REN: variants seen among roughly 807,000 people sequenced by gnomAD.
REN encodes renin, also known as angiotensin-forming enzyme.
REN carries 42 observed loss-of-function variants against 48.6 expected under a neutral mutation model. That is an observed-to-expected ratio of 0.86 (90% CI 0.68 to 1.12). The LOEUF (loss-of-function observed/expected upper bound fraction) is 1.12, where lower values mean the gene tolerates loss of function less well. Among genes scored for constraint, REN ranks in the 50% most tolerant of loss-of-function variants. The pLI is 0.00. For missense variants in REN, 443 were observed against 527.3 expected (o/e 0.84, Z 1.57); for synonymous variants, 196 against 204.6 (o/e 0.96, Z 0.36).
At chr1:204,159,654 G>A (rs1318887319) in intron 4 of REN, 59 bp from the exon 5 acceptor site, 11 of 1,511,334 alleles carry the variant, frequency 7.3e-6, no homozygotes, top group African/African-American at 4.1e-5. Context: ...GTTGGAGTCT[G>A]GTCTGGGCTT....
Position 204,156,304 on chromosome 1 carries a change from T to C in REN, c.834A>G (p.Ser278=), listed in dbSNP as rs1212651397. Residue 278 remains serine, a synonymous_variant, in exon 8 of 10, where the codon TCA becomes TCG. Coordinates refer to ENST00000272190, the MANE Select transcript of REN (RefSeq NM_000537.4). The surrounding 1 kb of genome is among the most constrained non-coding windows in gnomAD (Gnocchi z 4.2). The part of the protein sequence containing the change: ...QIQMKGVSVG[S]STLLCEDGCL... ...AGCCGTCTTCACAGAGCAAGGTGGA[T>C]GACCCCACAGACACCCTGGGGGAGG... 1 of 1,611,878 alleles carries C rather than the reference T, an allele frequency of 6.2e-7. No individual in the cohort carries two copies. The highest frequency in any genetic ancestry group is 8.5e-7 in the Non-Finnish European group (1 of 1,178,808).
chr1:204,155,271 C>T, intron 9 of REN, 94 bp from the exon 10 acceptor site: 1 of 1,410,498 alleles, frequency 7.1e-7, no homozygotes, highest in East Asian at 2.3e-5. Context: ...AGCAACATTC[C>T]CCCTCTCGCC....
intron 5 of REN, among the ~76,000 whole-genome samples, chr1:204,158,992 C>T (rs960229083): frequency 6.6e-6 from 1 of 152,182 alleles, no homozygotes; most frequent in African/African-American, 2.4e-5. Flanking sequence ...ATGGCCCTAA[C>T]AGGCAGGGCT....
rs543001458 is a variant in REN at position 204,156,757 on chromosome 1, G to C, written c.738C>G (p.Gly246=). The C allele has an allele frequency of 6.2e-7, 1 of 1,614,022 alleles. No individual in the cohort carries two copies. Among genetic ancestry groups the C allele is most frequent in the African/African-American group, 1.3e-5 (1 of 75,000 alleles). The change falls in exon 7 of 10, where the codon GGC becomes GGG. Residue 246 remains glycine (G), a synonymous_variant. Transcript: ENST00000272190. The surrounding 1 kb of genome is among the most constrained non-coding windows in gnomAD (Gnocchi z 4.2). ...QSLGGQIVLG[G]SDPQHYEGNF... ...TCCCTTCGTAATGCTGGGGGTCGCT[G>C]CCTCCCAGCACAATCTGTCCTCCCA...
chr1:204,155,452 A>G (rs1658131222), intron 9 of REN, among the ~76,000 whole-genome samples: 1 of 152,206 alleles, frequency 6.6e-6, no homozygotes, highest in African/African-American at 2.4e-5. Flanking sequence ...CTGATCCTAG[A>G]CAAGTTATTC....
In REN at chr1:204,156,331, C is replaced by CTCAGACAGACAG. The variant is rs749557115; in HGVS notation, c.819-13_819-12insCTGTCTGTCTGA. The CTCAGACAGACAG allele has an allele frequency of 3.3e-6, 5 of 1,495,238 alleles. No individual in the cohort carries two copies. The highest frequency in any genetic ancestry group is 1.5e-5 in the African/African-American group (1 of 65,024). 92.6% of individuals were successfully genotyped at this position (1,495,238 alleles called of 1,614,324 possible). On this transcript the variant is annotated splice_polypyrimidine_tract_variant and intron_variant, in intron 7 of 9. Coordinates refer to ENST00000272190, the MANE Select transcript of REN (RefSeq NM_000537.4). This position sits in a 1 kb window ranked among gnomAD's most constrained non-coding sequence, Gnocchi z 4.2. ...ACCCCACAGACACCCTGGGGGAGGC[C>CTCAGACAGACAG]ACAGTCAGACAGACAGACAGACAGA...
Position 204,162,074 on chromosome 1 carries a change from G to T in REN, c.188C>A (p.Pro63His). Residue 63 changes from proline (P) to histidine (H), a missense_variant, in exon 2 of 10, where the codon CCC becomes CAC. Physicochemically the swap from Pro to His is moderately conservative, Grantham distance 77. Coordinates refer to ENST00000272190, the MANE Select transcript of REN (RefSeq NM_000537.4). ...GTTGCCAAGTGTCAGCCTCTTCATG[G>T]GTTGGCTCCACTCGGGACCAAGCCT... ...MARLGPEWSQ[P>H]MKRLTLGNTT... The T allele has an allele frequency of 6.2e-7, 1 of 1,614,078 alleles. No homozygotes were observed. The highest frequency in any genetic ancestry group is 1.1e-5 in the South Asian group (1 of 91,062).
intron 9 of REN, among the ~76,000 whole-genome samples, chr1:204,155,596 C>A (rs532621235): frequency 1.3e-5 from 2 of 152,248 alleles, no homozygotes; most frequent in Middle Eastern, 3.4e-3. Flanking sequence ...ACATTGGAAT[C>A]ACCTGGGGAA....
At chr1:204,165,157 G>C (rs1278859371) in intron 1 of REN, among the ~76,000 whole-genome samples, 1 of 152,082 alleles carries the variant, frequency 6.6e-6, no homozygotes, top group African/African-American at 2.4e-5. Flanking sequence ...TTTTAGTAGA[G>C]ACAGGGTTTC....
chr1:204,159,589 C>T lies in REN; in HGVS notation c.499G>A (p.Gly167Arg), dbSNP rs1326333821. Residue 167 changes from glycine (G) to arginine (R), a missense_variant, in exon 5 of 10, where the codon GGA (glycine) becomes AGA (arginine). By Grantham distance (125) the Gly-to-Arg change is moderately radical. Transcript: ENST00000272190. ...FLSQDIITVG[G>R]ITVTQMFGEV... Reference sequence around the variant, plus strand: ...CCAAACATCTGTGTCACCGTGATTCCACCCACCTGTGGGAGGAAGGACCAG... The same window carrying T: ...CCAAACATCTGTGTCACCGTGATTCTACCCACCTGTGGGAGGAAGGACCAG... 2 of 1,614,064 alleles carry T rather than the reference C, an allele frequency of 1.2e-6. No individual in the cohort carries two copies. Among genetic ancestry groups the T allele is most frequent in the African/African-American group, 1.3e-5 (1 of 74,900 alleles).
intron 6 of REN, 27 bp downstream of exon 6, chr1:204,157,334 A>G: frequency 6.2e-7 from 1 of 1,614,206 alleles, no homozygotes; most frequent in Non-Finnish European, 8.5e-7. Context: ...GGAAGGTCAC[A>G]GCCATGTGGG....
chr1:204,159,719 G>T, intron 4 of REN, 124 bp from the exon 5 acceptor site: 1 of 811,996 alleles, frequency 1.2e-6, no homozygotes, highest in South Asian at 1.4e-5. Flanking sequence ...ATCGGGGTAA[G>T]AGTATTTCCT....
intron 2 of REN, 119 bp from the exon 3 acceptor site, chr1:204,161,534 C>T: frequency 2.0e-6 from 2 of 980,586 alleles, no homozygotes; most frequent in Non-Finnish European, 2.8e-6. Context: ...CCTATAGCCT[C>T]TCGGGGTTTC....
At chr1:204,162,867 C>G (rs1252074427) in intron 1 of REN, among the ~76,000 whole-genome samples, 1 of 152,220 alleles carries the variant, frequency 6.6e-6, no homozygotes, top group Non-Finnish European at 1.5e-5. Flanking sequence ...AGATGTTTTC[C>G]CATCACCTTT....
chr1:204,160,796 G>C (rs1470775193), intron 3 of REN, 118 bp from the exon 4 acceptor site: 1 of 798,438 alleles, frequency 1.3e-6, no homozygotes, highest in Non-Finnish European at 2.3e-6. Context: ...GTGGCCCTAG[G>C]GTCAGGGGGC....
chr1:204,155,926 G>C lies in REN; in HGVS notation c.961-8C>G, dbSNP rs370025043. The stretch of plus-strand genomic sequence containing the variant: ...GTTACACTTCACGACATACTGGGGT[G>C]GGGGGCAAAGAGAGCCTTCTTGAGT... On this transcript the variant is annotated splice_polypyrimidine_tract_variant and splice_region_variant and intron_variant, in intron 8 of 9. Coordinates refer to ENST00000272190, the MANE Select transcript of REN (RefSeq NM_000537.4). 3 of 1,607,540 alleles carry C rather than the reference G, an allele frequency of 1.9e-6. No individual in the cohort carries two copies. Among genetic ancestry groups the C allele is most frequent in the Admixed American group, 1.7e-5 (1 of 59,918 alleles).
Position 204,156,764 on chromosome 1 carries a change from A to G in REN, c.731T>C (p.Leu244Pro), listed in dbSNP as rs1386629048. 1.2e-6 allele frequency: 2 copies of G among 1,614,084 alleles called. No homozygotes were observed. Among genetic ancestry groups the G allele is most frequent in the Non-Finnish European group, 1.7e-6 (2 of 1,180,006 alleles). ...NSQSLGGQIV[L>P]GGSDPQHYEG... Reference sequence around the variant, plus strand: ...GTAATGCTGGGGGTCGCTGCCTCCCAGCACAATCTGTCCTCCCAGCGATTG... The same window carrying G: ...GTAATGCTGGGGGTCGCTGCCTCCCGGCACAATCTGTCCTCCCAGCGATTG... Residue 244 changes from leucine (L) to proline (P), a missense_variant, in exon 7 of 10, where the codon CTG (leucine) becomes CCG (proline). Leu to Pro is a moderately conservative substitution (Grantham distance 98). Coordinates refer to ENST00000272190, the MANE Select transcript of REN (RefSeq NM_000537.4). This position sits in a 1 kb window ranked among gnomAD's most constrained non-coding sequence, Gnocchi z 4.2.
chr1:204,166,231 G>T lies in REN; in HGVS notation c.63C>A (p.Thr21=), dbSNP rs1264677689. 3.1e-6 allele frequency: 5 copies of T among 1,614,068 alleles called. No individual in the cohort carries two copies. In the Admixed American group the frequency reaches 5.0e-5, roughly 16 times the overall value. ...TGGTGGTGTCTGTCGGGAGACCAAAGGTACAGGAGCCCCAGAGCAGCAGCA... is the reference window on the plus strand; with the variant it reads ...TGGTGGTGTCTGTCGGGAGACCAAATGTACAGGAGCCCCAGAGCAGCAGCA... The part of the protein sequence containing the change: ...GLLLLLWGSC[T]FGLPTDTTTF... Residue 21 remains threonine (T), a synonymous_variant, in exon 1 of 10, where the codon ACC becomes ACA. Coordinates refer to ENST00000272190, the MANE Select transcript of REN (RefSeq NM_000537.4).
In REN at chr1:204,159,536, G is replaced by A. The variant is rs373729911; in HGVS notation, c.552C>T (p.Pro184=). 18 of 1,614,082 alleles carry A rather than the reference G, an allele frequency of 1.1e-5. No individual in the cohort carries two copies. The highest frequency in any genetic ancestry group is 2.7e-5 in the African/African-American group (2 of 74,918). ...CCCCATCAAACTCGGCCAGCATGAA[G>A]GGTAAGGCGGGCATCTCCGTGACCT... ...FGEVTEMPAL[P]FMLAEFDGVV... The change falls in exon 5 of 10, where the codon CCC becomes CCT. Residue 184 remains proline, a synonymous_variant. Transcript: ENST00000272190.
Sources: gnomAD v4.1 joint callset for allele counts (sites outside exome capture counted in the v4.1 genomes callset) on GRCh38, gnomAD v4.1.1 for gene constraint, Gnocchi (gnomAD v3.1) non-coding constraint, MANE v1.5 for transcripts, NCBI Gene and HGNC (gene_info 2026-07-23, HGNC 2026-07-21) for gene names.